PIK3C3: variants seen among roughly 807,000 people sequenced by gnomAD.
PIK3C3 encodes the protein PI3-kinase type 3.
A neutral mutation model predicts 126.1 loss-of-function variants in PIK3C3; 95 were observed. That is an observed-to-expected ratio of 0.75 (90% CI 0.64 to 0.89). PIK3C3 has a LOEUF of 0.89. Ranked by LOEUF, PIK3C3 falls within the 40% of genes least tolerant of loss-of-function variation. PIK3C3 has a pLI of 0.00. For missense variants in PIK3C3, 829 were observed against 1,063.2 expected, an observed-to-expected ratio of 0.78 and a Z score of 3.06; for synonymous variants, 374 against 360.0, an observed-to-expected ratio of 1.04 and a Z score of -0.44.
At position 42,085,146 on chromosome 18, in the gene PIK3C3, A is replaced by G. The variant is rs935747052; in HGVS notation, c.*4009A>G. 2.6e-5 allele frequency: 4 copies of G among 152,228 alleles called. No homozygotes were observed. The highest frequency in any genetic ancestry group is 9.6e-5 in the African/African-American group (4 of 41,466). The allele number at this position is 152,228 out of a possible 1,614,324, so 9.4% of individuals were successfully genotyped here. A position where few individuals can be genotyped will look rare whatever the true frequency, so the allele number is the denominator to read the frequency against. ...CACTTTTCTATATAATGAGTGGTTT[A>G]TATTAAGAATAGGTACAATGTAAAT... On this transcript the variant is annotated 3_prime_UTR_variant, in exon 25 of 25. Coordinates refer to ENST00000262039, the MANE Select transcript of PIK3C3 (RefSeq NM_002647.4).
chr18:42,053,636 TA>T (rs1394948364), intron 21 of PIK3C3, among the ~76,000 whole-genome samples: 1 of 152,146 alleles, frequency 6.6e-6, no homozygotes, highest in Non-Finnish European at 1.5e-5. Flanking sequence ...GGAGAAGCTT[TA>T]AAAAGCTTAC....
At position 42,067,519 on chromosome 18, in the gene PIK3C3, TTCCCTGAG is replaced by T. The variant is rs1373988737; in HGVS notation, c.2649+8_2649+15del. 1 of 1,613,976 alleles carries T rather than the reference TTCCCTGAG, an allele frequency of 6.2e-7. No individual in the cohort carries two copies. The highest frequency in any genetic ancestry group is 1.1e-5 in the South Asian group (1 of 91,054). On this transcript the variant is annotated splice_region_variant and intron_variant, in intron 24 of 24. Coordinates refer to ENST00000262039, the MANE Select transcript of PIK3C3 (RefSeq NM_002647.4). Reference sequence around the variant, plus strand: ...AGATTCACAAGTTTGCCCAGGTAAGTTCCCTGAGTGCAGTGCATTTTTCTCACCTTCTC... The same window carrying T: ...AGATTCACAAGTTTGCCCAGGTAAGTTGCAGTGCATTTTTCTCACCTTCTC...
At chr18:42,078,631 G>T (rs180800023) in intron 24 of PIK3C3, among the ~76,000 whole-genome samples, 1 of 132,460 alleles carries the variant, frequency 7.5e-6, no homozygotes, top group African/African-American at 4.3e-5. Flanking sequence ...TCCCTGTAGC[G>T]TGAAAGTCCT....
intron 24 of PIK3C3, among the ~76,000 whole-genome samples, chr18:42,080,804 TAGAATTC>T (rs1782026389): frequency 6.6e-6 from 1 of 152,206 alleles, no homozygotes; most frequent in African/African-American, 2.4e-5. Context: ...TAAATCACTT[TAGAATTC>T]AGTGGAATTT....
chr18:41,994,162 GGCCTAA>G (rs1217467396), intron 7 of PIK3C3, among the ~76,000 whole-genome samples: 11 of 152,114 alleles, frequency 7.2e-5, no homozygotes, highest in Non-Finnish European at 1.2e-4. Flanking sequence ...AACGGCTGAT[GGCCTAA>G]TATCAAAGGA....
At chr18:42,025,196 C>T (rs903876817) in intron 13 of PIK3C3, 3 of 152,132 alleles carry the variant, frequency 2.0e-5, no homozygotes, top group African/African-American at 7.2e-5. Context: ...CAGTGAGCCC[C>T]TACATTGTGG....
chr18:41,963,426 CA>C (rs1447603240), intron 3 of PIK3C3, among the ~76,000 whole-genome samples: 1 of 152,080 alleles, frequency 6.6e-6, no homozygotes, highest in East Asian at 1.9e-4. Context: ...TTATAATGCT[CA>C]AAAAATCTCA....
chr18:42,007,541 T>C (rs1246333648), intron 10 of PIK3C3, among the ~76,000 whole-genome samples: 3 of 152,184 alleles, frequency 2.0e-5, no homozygotes, highest in African/African-American at 4.8e-5. Flanking sequence ...CACTCACTTA[T>C]CAATTTTACT....
intron 9 of PIK3C3, 130 bp downstream of exon 9, chr18:41,996,860 G>A (rs945135251): frequency 4.5e-6 from 2 of 448,974 alleles, no homozygotes; most frequent in Non-Finnish European, 8.0e-6. Flanking sequence ...GTATATATGA[G>A]ACTCCATTTT....
chr18:41,960,155 C>T (rs971330534), intron 2 of PIK3C3, among the ~76,000 whole-genome samples: 1 of 152,146 alleles, frequency 6.6e-6, no homozygotes, highest in Non-Finnish European at 1.5e-5. Context: ...ATGAGGAACT[C>T]ATCCGAAATT....
At chr18:42,002,776 C>T (rs766811031) in intron 9 of PIK3C3, among the ~76,000 whole-genome samples, 97 of 152,080 alleles carry the variant, frequency 6.4e-4, no homozygotes, top group Non-Finnish European at 1.1e-3. Flanking sequence ...AAGAGAAACT[C>T]GTATTTAGTT....
Position 42,076,125 on chromosome 18 carries a change from C to CAT in PIK3C3, c.2650-4981_2650-4980dup, listed in dbSNP as rs1170833789. ...ATATATATATATATATATATATGCG[C>CAT]ATATATATATATATATATGCGCATA... is the stretch of plus-strand genomic sequence containing the variant. On this transcript the variant is annotated intron_variant, in intron 24 of 24. Transcript: ENST00000262039. Among the ~76,000 whole-genome samples the CAT allele has an allele frequency of 5.2e-3, 250 of 47,630 alleles. 9 individuals carry two copies. Among genetic ancestry groups the CAT allele is most frequent in the African/African-American group, 0.023 (129 of 5,652 alleles). The allele number at this position is 47,630 out of a possible 152,430, so 31.2% of individuals were successfully genotyped here. A position where few individuals can be genotyped will look rare whatever the true frequency, so the allele number is the denominator to read the frequency against.
intron 4 of PIK3C3, among the ~76,000 whole-genome samples, chr18:41,975,244 A>G (rs1332484267): frequency 6.6e-6 from 1 of 152,208 alleles, no homozygotes; most frequent in Non-Finnish European, 1.5e-5. Flanking sequence ...GAATAGGTTC[A>G]TGCCAACCAC....
chr18:41,989,738 T>TTTGTGTGTTTACATTTA (rs1432652581), intron 5 of PIK3C3, among the ~76,000 whole-genome samples: 1 of 152,182 alleles, frequency 6.6e-6, no homozygotes, highest in African/African-American at 2.4e-5. Flanking sequence ...TTACATTTCA[T>TTTGTGTGTTTACATTTA]GATGTTTACA....
Position 42,038,849 on chromosome 18 carries a change from T to C in PIK3C3, c.2037T>C (p.His679=). The change falls in exon 18 of 25, where the codon CAT becomes CAC. Residue 679 remains histidine (H), a splice_region_variant and synonymous_variant. Coordinates refer to ENST00000262039, the MANE Select transcript of PIK3C3 (RefSeq NM_002647.4). ...PYKVLATSTK[H]GFMQFIQSVP... ...AGGTGTTAGCCACCAGTACAAAACA[T>C]GGTAAGTGTATTTTACATCATTATT... is the stretch of plus-strand genomic sequence containing the variant. 1.9e-6 allele frequency: 3 copies of C among 1,569,268 alleles called. No homozygotes were observed. The highest frequency in any genetic ancestry group is 2.3e-5 in the South Asian group (2 of 88,704).
Position 41,984,957 on chromosome 18 carries a change from A to T in PIK3C3, c.532-2855A>T, listed in dbSNP as rs1356224764. On this transcript the variant is annotated intron_variant, in intron 4 of 24. Transcript: ENST00000262039. Reference sequence around the variant, plus strand: ...CTTCACATGTTAGGAACATTAAGCCATCATGTAAGAAGTCCAGCTATTCTG... The same window carrying T: ...CTTCACATGTTAGGAACATTAAGCCTTCATGTAAGAAGTCCAGCTATTCTG... 2.0e-5 allele frequency: 3 copies of T among 152,186 alleles called. 1 individual carries two copies. Among genetic ancestry groups the T allele is most frequent in the Non-Finnish European group, 4.4e-5 (3 of 68,030 alleles). The allele number at this position is 152,186 out of a possible 1,614,324, so 9.4% of individuals were successfully genotyped here.
intron 10 of PIK3C3, among the ~76,000 whole-genome samples, chr18:42,007,295 G>C (rs1027194651): frequency 1.3e-5 from 2 of 151,950 alleles, no homozygotes; most frequent in Non-Finnish European, 2.9e-5. Context: ...TAAAAAATTT[G>C]TTCCTTTATA....
intron 24 of PIK3C3, among the ~76,000 whole-genome samples, chr18:42,073,003 G>A (rs1378627782): frequency 6.6e-6 from 1 of 152,042 alleles, no homozygotes; most frequent in Non-Finnish European, 1.5e-5. Flanking sequence ...TTTCATTTAT[G>A]GTAGTAAAAA....
intron 2 of PIK3C3, among the ~76,000 whole-genome samples, chr18:41,959,132 T>C (rs1407963369): frequency 1.3e-5 from 2 of 152,194 alleles, no homozygotes; most frequent in African/African-American, 4.8e-5. Context: ...AAGCTTTAAT[T>C]AGATTTTTGA....
Sources: allele counts gnomAD v4.1 joint callset (sites outside exome capture counted in the v4.1 genomes callset), GRCh38; gene constraint gnomAD v4.1.1; transcripts MANE v1.5; gene names NCBI Gene and HGNC (gene_info 2026-07-23, HGNC 2026-07-21).